CNTNAP3B: variants seen among roughly 807,000 people sequenced by gnomAD.
CNTNAP3B encodes contactin-associated protein-like 3B.
A neutral mutation model predicts 108.9 loss-of-function variants in CNTNAP3B; 25 were observed. The observed-to-expected ratio is 0.23, with a 90% CI of 0.17 to 0.32. The LOEUF is 0.32. CNTNAP3B is among the 10% of genes least tolerant of loss of function. The probability of loss-of-function intolerance (pLI) is 1.00; values close to 1 mark genes in which losing one functional copy is unlikely to be tolerated. For missense variants in CNTNAP3B, 252 were observed against 1,210.4 expected (o/e 0.21, Z 11.75); for synonymous variants, 103 against 473.4 (o/e 0.22, Z 10.16).
chr9:41,930,740 C>A (rs1182172506), intron 14 of CNTNAP3B, among the ~76,000 whole-genome samples: 3 of 152,272 alleles, frequency 2.0e-5, no homozygotes, highest in African/African-American at 7.2e-5. Context: ...GTGTCCAATA[C>A]AAAGAGACCT....
At chr9:41,958,748 G>T (rs1273835695) in intron 12 of CNTNAP3B, among the ~76,000 whole-genome samples, 2 of 152,082 alleles carry the variant, frequency 1.3e-5, no homozygotes. Flanking sequence ...AACACCAGTA[G>T]CTTAGGTGAA....
intron 15 of CNTNAP3B, among the ~76,000 whole-genome samples, chr9:41,927,624 A>C (rs879464664): frequency 2.5e-4 from 38 of 150,838 alleles, no homozygotes; most frequent in South Asian, 6.3e-4. Flanking sequence ...AAGGAAAGAA[A>C]AATTTCATAA....
At chr9:42,037,556 G>A (rs1217981332) in intron 3 of CNTNAP3B, among the ~76,000 whole-genome samples, 1 of 125,286 alleles carries the variant, frequency 8.0e-6, no homozygotes, top group Admixed American at 8.2e-5. Context: ...TGAATGAAAT[G>A]AAGCAAGAAG....
At chr9:42,113,483 A>C (rs1828238734) in intron 1 of CNTNAP3B, among the ~76,000 whole-genome samples, 1 of 140,020 alleles carries the variant, frequency 7.1e-6, no homozygotes, top group Non-Finnish European at 1.5e-5. Context: ...AAAGAGAGGA[A>C]ACCAAATAAC....
intron 14 of CNTNAP3B, among the ~76,000 whole-genome samples, chr9:41,931,342 T>C (rs1284972489): frequency 1.3e-5 from 2 of 152,166 alleles, no homozygotes; most frequent in African/African-American, 4.8e-5. Flanking sequence ...AATTCTCTTC[T>C]GGCTATTTTG....
At chr9:41,951,244 T>G (rs1447305247) in intron 13 of CNTNAP3B, among the ~76,000 whole-genome samples, 3 of 145,892 alleles carry the variant, frequency 2.1e-5, no homozygotes, top group African/African-American at 5.1e-5. Context: ...TCTCAAAATT[T>G]TTTTTAAATT....
intron 2 of CNTNAP3B, among the ~76,000 whole-genome samples, chr9:42,098,781 T>A (rs1292392822): frequency 2.3e-5 from 3 of 129,678 alleles, no homozygotes; most frequent in Non-Finnish European, 4.9e-5. Context: ...AGATGGCTAT[T>A]TTTTCTATTG....
At chr9:41,979,136 G>A (rs1825575086) in intron 9 of CNTNAP3B, among the ~76,000 whole-genome samples, 1 of 131,980 alleles carries the variant, frequency 7.6e-6, no homozygotes, top group African/African-American at 3.1e-5. Context: ...TTGTCCCAGC[G>A]TCTTCCCTCT....
In CNTNAP3B at chr9:42,125,225, T is replaced by C. The variant is rs907517886; in HGVS notation, c.85+3785A>G. ...AATCATGTCCTTTATAACATAAGCA[T>C]TTAATGCAGAATAGTATTTAGTTGC... On this transcript the variant is annotated intron_variant, in intron 1 of 23. Coordinates refer to ENST00000377561, the MANE Select transcript of CNTNAP3B (RefSeq NM_001201380.3). 5.8e-5 allele frequency among the ~76,000 whole-genome samples: 8 copies of C among 138,396 alleles called. 2 individuals are homozygous for C. Among genetic ancestry groups the C allele is most frequent in the African/African-American group, 2.3e-4 (8 of 34,606 alleles). 90.8% of individuals were successfully genotyped at this position (138,396 alleles called of 152,430 possible). A position where few individuals can be genotyped will look rare whatever the true frequency, so the allele number is the denominator to read the frequency against.
At chr9:41,947,559 G>T (rs1217933156) in intron 13 of CNTNAP3B, among the ~76,000 whole-genome samples, 1 of 152,172 alleles carries the variant, frequency 6.6e-6, no homozygotes, top group African/African-American at 2.4e-5. Flanking sequence ...TAGGGAAAAC[G>T]TAGCACTAAA....
chr9:41,921,127 A>C (rs1217181231), intron 17 of CNTNAP3B, among the ~76,000 whole-genome samples: 7 of 152,302 alleles, frequency 4.6e-5, no homozygotes, highest in African/African-American at 1.7e-4. Flanking sequence ...CCCAAATCTG[A>C]ACTATCAATC....
chr9:42,090,973 T>TACACACAC (rs548325172), intron 2 of CNTNAP3B, among the ~76,000 whole-genome samples: 3 of 37,748 alleles, frequency 7.9e-5, no homozygotes, highest in African/African-American at 2.2e-4. Context: ...TATATATATA[T>TACACACAC]ACACACACAC....
chr9:41,953,757 TTTCTTTCA>T (rs938208183), intron 12 of CNTNAP3B, among the ~76,000 whole-genome samples: 1 of 115,146 alleles, frequency 8.7e-6, no homozygotes, highest in African/African-American at 3.2e-5. Context: ...TGTGCCTCTA[TTTCTTTCA>T]TTATCGAATA....
intron 13 of CNTNAP3B, among the ~76,000 whole-genome samples, chr9:41,943,576 T>A (rs571541210): frequency 4.6e-5 from 7 of 151,478 alleles, no homozygotes; most frequent in South Asian, 4.2e-4. Context: ...ATGGTCTGGA[T>A]CTCCTGAACT....
intron 13 of CNTNAP3B, among the ~76,000 whole-genome samples, chr9:41,941,867 C>A (rs1824355611): frequency 1.3e-5 from 2 of 151,932 alleles, no homozygotes; most frequent in Non-Finnish European, 2.9e-5. Context: ...AGAGTTTTAT[C>A]TCCAGGAAGA....
intron 2 of CNTNAP3B, among the ~76,000 whole-genome samples, chr9:42,081,455 G>A (rs1349706647): frequency 1.4e-5 from 2 of 139,728 alleles, no homozygotes; most frequent in East Asian, 2.2e-4. Context: ...GTGAGAAACT[G>A]TGAAGCATAT....
At chr9:41,925,658 T>C (rs1323508262) in intron 15 of CNTNAP3B, among the ~76,000 whole-genome samples, 1 of 152,208 alleles carries the variant, frequency 6.6e-6, no homozygotes, top group East Asian at 1.9e-4. Context: ...TTTATTTGTG[T>C]ATTTATCCAT....
intron 3 of CNTNAP3B, among the ~76,000 whole-genome samples, chr9:42,070,397 AT>A (rs1465108732): frequency 4.0e-5 from 6 of 149,816 alleles, no homozygotes; most frequent in African/African-American, 1.5e-4. Context: ...GAAACTAGAT[AT>A]CCGCTGACCA....
At chr9:41,946,071 A>G (rs1282898433) in intron 13 of CNTNAP3B, among the ~76,000 whole-genome samples, 1 of 150,726 alleles carries the variant, frequency 6.6e-6, no homozygotes, top group Non-Finnish European at 1.5e-5. Flanking sequence ...CTAGCAACAG[A>G]AGAGTCAAAA....
Sources: allele counts gnomAD v4.1 joint callset (sites outside exome capture counted in the v4.1 genomes callset), GRCh38; gene constraint gnomAD v4.1.1; transcripts MANE v1.5; gene names NCBI Gene and HGNC (gene_info 2026-07-23, HGNC 2026-07-21).